The following GLP1R variants were observed in gnomAD, a reference collection of about 807,000 sequenced individuals.
GLP1R encodes glucagon-like peptide 1 receptor.
Under a neutral mutation model 68.4 loss-of-function variants are expected in GLP1R, and 32 were observed. The ratio of observed to expected loss-of-function variants is 0.47; its 90% confidence interval spans 0.35 to 0.63. The LOEUF is 0.63. Among genes scored for constraint, GLP1R ranks in the 20% least tolerant of loss-of-function variants. The pLI is 0.00. For missense variants in GLP1R, 502 were observed against 594.9 expected (o/e 0.84, Z 1.62); for synonymous variants, 263 against 244.4 (o/e 1.08, Z -0.71).
At chr6:39,065,609 G>C in intron 3 of GLP1R, 102 bp from the exon 4 acceptor site, 1 of 671,708 alleles carries the variant, frequency 1.5e-6, no homozygotes, top group Non-Finnish European at 2.6e-6. Flanking sequence ...CATTCTGGGG[G>C]AGCAGGGATA....
At chr6:39,083,625 G>A (rs1176331473) in intron 12 of GLP1R, among the ~76,000 whole-genome samples, 3 of 152,132 alleles carry the variant, frequency 2.0e-5, no homozygotes, top group African/African-American at 7.2e-5. Context: ...GTGACCTGGG[G>A]CAAGTCATTT....
In GLP1R at chr6:39,066,224, C is replaced by G; in HGVS notation, c.430C>G (p.Leu144Val). The G allele has an allele frequency of 6.2e-7, 1 of 1,611,258 alleles. No homozygotes were observed. Among genetic ancestry groups the G allele is most frequent in the South Asian group, 1.1e-5 (1 of 90,944 alleles). ...RSSPEEQLLF[L>V]YIIYTVGYAL... ...CTCCCCGGAGGAGCAGCTCCTGTTC[C>G]TCTACATCATCTACACGGTGGGCTA... Residue 144 changes from leucine (L) to valine (V), a missense_variant, in exon 5 of 13, where the codon CTC becomes GTC. Coordinates refer to ENST00000373256, the MANE Select transcript of GLP1R (RefSeq NM_002062.5).
At chr6:39,076,687 TCA>T (rs1038761492) in intron 7 of GLP1R, among the ~76,000 whole-genome samples, 59 of 152,196 alleles carry the variant, frequency 3.9e-4, no homozygotes, top group African/African-American at 1.4e-3. Flanking sequence ...CACCACACCC[TCA>T]CACACACATG....
At chr6:39,081,125 AC>A (rs1173849302) in intron 12 of GLP1R, among the ~76,000 whole-genome samples, 1 of 142,978 alleles carries the variant, frequency 7.0e-6, no homozygotes, top group Non-Finnish European at 1.6e-5. Flanking sequence ...TTTAATTATG[AC>A]CCCCACATCC....
intron 1 of GLP1R, among the ~76,000 whole-genome samples, chr6:39,051,274 G>T (rs537077758): frequency 2.6e-5 from 4 of 152,286 alleles, no homozygotes; most frequent in Admixed American, 6.5e-5. Context: ...ATCACATAGG[G>T]TTATGGAGGG....
chr6:39,075,595 C>T (rs763340147), intron 7 of GLP1R, among the ~76,000 whole-genome samples: 48 of 152,006 alleles, frequency 3.2e-4, no homozygotes, highest in Non-Finnish European at 4.9e-4. Context: ...GGGCAAGACC[C>T]GGAGGACACC....
At position 39,078,375 on chromosome 6, in the gene GLP1R, G is replaced by T. The variant is rs150729240; in HGVS notation, c.877G>T (p.Asp293Tyr). 18 of 1,609,772 alleles carry T rather than the reference G, an allele frequency of 1.1e-5. No individual in the cohort carries two copies. The African/African-American group carries it at 2.0e-4, about 18-fold the overall frequency. The change falls in exon 8 of 13, where the codon GAC (aspartate) becomes TAC (tyrosine). Residue 293 changes from aspartate (D) to tyrosine (Y), a missense_variant. Transcript: ENST00000373256. ...PWGIVKYLYE[D>Y]EGCWTRNSNM... is the part of the protein sequence containing the mutation. Reference sequence around the variant, plus strand: ...GGGCATTGTCAAGTACCTCTATGAGGACGAGGGGTGAGTGTCCTGCTCCAA... The same window carrying T: ...GGGCATTGTCAAGTACCTCTATGAGTACGAGGGGTGAGTGTCCTGCTCCAA...
At position 39,077,950 on chromosome 6, in the gene GLP1R, C is replaced by T. The variant is rs546348205; in HGVS notation, c.824-372C>T. On this transcript the variant is annotated intron_variant, in intron 7 of 12. Coordinates refer to ENST00000373256, the MANE Select transcript of GLP1R (RefSeq NM_002062.5). ...GAGAAAATGGGCATCAGAGGGTTCG[C>T]CTGCTCCTTGCCTCATCCGTCATGC... Among the ~76,000 whole-genome samples the T allele has an allele frequency of 9.8e-5, 15 of 152,306 alleles. No homozygotes were observed. The South Asian group carries it at 1.5e-3, about 15-fold the overall frequency.
chr6:39,087,178 C>G lies in GLP1R; in HGVS notation c.*1105C>G, dbSNP rs1224097962. On this transcript the variant is annotated 3_prime_UTR_variant, in exon 13 of 13. Transcript: ENST00000373256. The stretch of plus-strand genomic sequence containing the variant: ...GCTTGTATATACTTCACTCACTTTT[C>G]TTTATTGCTGTGAATAGTCTGTGTG... 6.6e-6 allele frequency: 1 copy of G among 152,226 alleles called. No individual in the cohort carries two copies. Among genetic ancestry groups the G allele is most frequent in the African/African-American group, 2.4e-5 (1 of 41,458 alleles). The allele number at this position is 152,226 out of a possible 1,614,324, so 9.4% of individuals were successfully genotyped here. A position where few individuals can be genotyped will look rare whatever the true frequency, so the allele number is the denominator to read the frequency against.
chr6:39,056,572 A>G, intron 2 of GLP1R, 79 bp downstream of exon 2: 2 of 756,226 alleles, frequency 2.6e-6, no homozygotes, highest in Non-Finnish European at 2.3e-6. Context: ...CTCAATGTCC[A>G]TGGCTGGGAG....
chr6:39,079,505 G>A lies in GLP1R; in HGVS notation c.1044-59G>A, dbSNP rs902101799. On this transcript the variant is annotated intron_variant, in intron 10 of 12. Transcript: ENST00000373256. The surrounding 1 kb of genome is among the most constrained non-coding windows in gnomAD (Gnocchi z 4.5). ...TAGGAAGTGGGGAGGGTAGAGAAAG[G>A]GAAGAAGAGTCCATGGGAGAGGTCC... 8 of 1,494,180 alleles carry A rather than the reference G, an allele frequency of 5.4e-6. No homozygotes were observed. Among genetic ancestry groups the A allele is most frequent in the Non-Finnish European group, 7.2e-6 (8 of 1,110,830 alleles). 92.6% of individuals were successfully genotyped at this position (1,494,180 alleles called of 1,614,324 possible). A position where few individuals can be genotyped will look rare whatever the true frequency, so the allele number is the denominator to read the frequency against.
chr6:39,073,999 A>C (rs1299798292), intron 7 of GLP1R, among the ~76,000 whole-genome samples: 2 of 152,108 alleles, frequency 1.3e-5, no homozygotes, highest in Non-Finnish European at 2.9e-5. Context: ...CCTCCACCGC[A>C]TGTGGCCAAA....
At chr6:39,080,531 G>T (rs1253080590) in intron 11 of GLP1R, among the ~76,000 whole-genome samples, 167 bp from the exon 12 acceptor site, 7 of 152,210 alleles carry the variant, frequency 4.6e-5, no homozygotes, top group Admixed American at 4.6e-4. Flanking sequence ...TGTTCCTTCA[G>T]AAAGGAAATG....
In GLP1R at chr6:39,079,718, G is replaced by C; in HGVS notation, c.1182+16G>C. ...CTCCTTCCAGGTGACTTCATGCTTGGGGACACTTGCTTGTAAAGTCCTAGA... is the reference window on the plus strand; with the variant it reads ...CTCCTTCCAGGTGACTTCATGCTTGCGGACACTTGCTTGTAAAGTCCTAGA... On this transcript the variant is annotated intron_variant, in intron 11 of 12. Transcript: ENST00000373256. This position sits in a 1 kb window ranked among gnomAD's most constrained non-coding sequence, Gnocchi z 4.5. 3.1e-6 allele frequency: 5 copies of C among 1,609,528 alleles called. No homozygotes were observed. The highest frequency in any genetic ancestry group is 4.2e-6 in the Non-Finnish European group (5 of 1,176,780).
At chr6:39,075,821 G>T (rs1436654492) in intron 7 of GLP1R, among the ~76,000 whole-genome samples, 1 of 152,216 alleles carries the variant, frequency 6.6e-6, no homozygotes, top group Non-Finnish European at 1.5e-5. Context: ...AGCTTCTGCT[G>T]CAGTCCCCAG....
At chr6:39,082,490 C>T (rs2268641) in intron 12 of GLP1R, among the ~76,000 whole-genome samples, 62,297 of 151,942 alleles carry the variant, frequency 0.41, 13,006 homozygotes, top group African/African-American at 0.48. Flanking sequence ...ATTCTGGCTG[C>T]TCCTGGGACA....
chr6:39,072,709 G>C (rs544935502), intron 5 of GLP1R, among the ~76,000 whole-genome samples, 153 bp from the exon 6 acceptor site: 3 of 152,194 alleles, frequency 2.0e-5, no homozygotes, highest in Non-Finnish European at 2.9e-5. Flanking sequence ...GGATTTTCAC[G>C]ATGATGAGGA....
chr6:39,076,230 C>T (rs1239853293), intron 7 of GLP1R, among the ~76,000 whole-genome samples: 2 of 152,098 alleles, frequency 1.3e-5, no homozygotes, highest in East Asian at 3.9e-4. Context: ...TGCTCTTGCC[C>T]AGACAATGTT....
At chr6:39,064,030 C>T (rs1171881762) in intron 3 of GLP1R, among the ~76,000 whole-genome samples, 2 of 137,556 alleles carry the variant, frequency 1.5e-5, no homozygotes, top group Non-Finnish European at 3.0e-5. Flanking sequence ...GAGGCAGAGT[C>T]TCACTCTGTC....
Sources: allele counts gnomAD v4.1 joint callset (sites outside exome capture counted in the v4.1 genomes callset), GRCh38; gene constraint gnomAD v4.1.1; non-coding constraint Gnocchi (gnomAD v3.1); transcripts MANE v1.5; gene names NCBI Gene and HGNC (gene_info 2026-07-23, HGNC 2026-07-21).